EIF2S2: variants seen among roughly 807,000 people sequenced by gnomAD.
EIF2S2 encodes the protein eukaryotic translation initiation factor 2 subunit 2.
EIF2S2 carries 4 observed loss-of-function variants against 44.0 expected under a neutral mutation model. That is an observed-to-expected ratio of 0.09 (90% CI 0.04 to 0.21). The LOEUF (loss-of-function observed/expected upper bound fraction) is 0.21. EIF2S2 is among the 10% of genes least tolerant of loss of function. The pLI is 1.00. For missense variants in EIF2S2, 154 were observed against 392.0 expected (o/e 0.39, Z 5.13); for synonymous variants, 108 against 128.3 (o/e 0.84, Z 1.07).
intron 2 of EIF2S2, among the ~76,000 whole-genome samples, chr20:34,103,828 T>A (rs1244370437): frequency 6.6e-6 from 1 of 152,008 alleles, no homozygotes; most frequent in Non-Finnish European, 1.5e-5. Context: ...TGCCTCAGCC[T>A]CCTGAGTAGC....
In EIF2S2 at chr20:34,112,079, CG is replaced by C; in HGVS notation, c.15+16del. On this transcript the variant is annotated intron_variant, in intron 1 of 8. Transcript: ENST00000374980. ...TCGCCTCAATCCTTAGCCCTTACGC[CG>C]GGCTCAGATCCTCACCTCGTCCCCA... 1 of 1,549,290 alleles carries C rather than the reference CG, an allele frequency of 6.5e-7. No individual in the cohort carries two copies. Among genetic ancestry groups the C allele is most frequent in the Non-Finnish European group, 8.7e-7 (1 of 1,143,704 alleles).
chr20:34,101,219 C>T (rs960032746), intron 3 of EIF2S2, among the ~76,000 whole-genome samples: 5 of 152,136 alleles, frequency 3.3e-5, no homozygotes, highest in Non-Finnish European at 5.9e-5. Context: ...CCAAGGCAGG[C>T]GGATCACCTA....
In EIF2S2 at chr20:34,103,564, A is replaced by G. The variant is rs757574124; in HGVS notation, c.195T>C (p.Asp65=). 1.3e-6 allele frequency: 2 copies of G among 1,560,400 alleles called. No homozygotes were observed. Among genetic ancestry groups the G allele is most frequent in the East Asian group, 4.6e-5 (2 of 43,798 alleles). ...TCAAGTCATCTAGATCATCAGAAGC[A>G]TCTAAAAAGACCAAGGCATAATTAT... ...EADEEDTRKK[D]ASDDLDDLNF... is the part of the protein sequence containing the mutation. Residue 65 remains aspartate, a splice_region_variant and synonymous_variant, in exon 3 of 9, where the codon GAT becomes GAC. Coordinates refer to ENST00000374980, the MANE Select transcript of EIF2S2 (RefSeq NM_003908.5).
chr20:34,090,838 T>C (rs1212449530), intron 7 of EIF2S2, among the ~76,000 whole-genome samples: 1 of 151,934 alleles, frequency 6.6e-6, no homozygotes. Flanking sequence ...ACCTTCAATC[T>C]CCCAGGCTCA....
intron 1 of EIF2S2, 58 bp from the exon 2 acceptor site, chr20:34,105,603 A>G (rs2034340664): frequency 7.0e-7 from 1 of 1,426,684 alleles, no homozygotes; most frequent in Non-Finnish European, 9.3e-7. Flanking sequence ...TGATGCTCAC[A>G]TTCCAAATAT....
intron 1 of EIF2S2, among the ~76,000 whole-genome samples, chr20:34,111,316 G>A (rs1475001313): frequency 6.6e-6 from 1 of 152,102 alleles, no homozygotes; most frequent in Admixed American, 6.5e-5. Flanking sequence ...ATACCTACTG[G>A]GAGTACTTAA....
intron 3 of EIF2S2, among the ~76,000 whole-genome samples, chr20:34,103,230 A>C (rs1334170378): frequency 6.6e-6 from 1 of 152,246 alleles, no homozygotes; most frequent in Non-Finnish European, 1.5e-5. Context: ...ATTTGTGATC[A>C]TCTTAATGGC....
intron 1 of EIF2S2, among the ~76,000 whole-genome samples, chr20:34,107,194 G>C (rs958537583): frequency 6.6e-6 from 1 of 151,822 alleles, no homozygotes; most frequent in Non-Finnish European, 1.5e-5. Flanking sequence ...AAAAAAGAAA[G>C]TGCAGGGTCT....
rs1403393933 is a variant in EIF2S2 at position 34,105,363 on chromosome 20, C to T, written c.193+5G>A. ...AACAGTAACTCTCTCACATCAACCA[C>T]GCACCTTTTTTCCTAGTGTCCTCTT... On this transcript the variant is annotated splice_donor_5th_base_variant and intron_variant, in intron 2 of 8. Transcript: ENST00000374980. The T allele has an allele frequency of 8.7e-6, 14 of 1,610,540 alleles. No individual in the cohort carries two copies. The highest frequency in any genetic ancestry group is 6.7e-5 in the East Asian group (3 of 44,886).
intron 4 of EIF2S2, among the ~76,000 whole-genome samples, chr20:34,098,269 T>C (rs2034255009): frequency 6.6e-6 from 1 of 151,568 alleles, no homozygotes; most frequent in South Asian, 2.1e-4. Flanking sequence ...AAAATCCGGT[T>C]ATAGTAATTT....
chr20:34,106,387 TACA>T (rs1568719099), intron 1 of EIF2S2, among the ~76,000 whole-genome samples: 1 of 151,924 alleles, frequency 6.6e-6, no homozygotes, highest in East Asian at 1.9e-4. Context: ...GAAACCTCTA[TACA>T]ACATTTCACT....
At chr20:34,090,752 T>A (rs553342376) in intron 7 of EIF2S2, 150 bp from the exon 8 acceptor site, 1 of 461,350 alleles carries the variant, frequency 2.2e-6, no homozygotes. Context: ...TTTCCCAAAA[T>A]TTATTTATTT....
rs2034316097 is a variant in EIF2S2, at chr20:34,103,505, GT to G, written c.253del (p.Thr85LeufsTer14). ...FFNQKKKKKK[T>X]KKIFDIDEAE... is the part of the protein sequence containing the mutation. ...TTCATCAATATCAAATATCTTTTTA[GT>G]TTTTTTCTTCTTTTTCTTTTGATTA... On this transcript the variant is annotated frameshift_variant, in exon 3 of 9. Transcript: ENST00000374980. LOFTEE classifies it high-confidence loss of function. 6.4e-7 allele frequency: 1 copy of G among 1,568,278 alleles called. No homozygotes were observed. The highest frequency in any genetic ancestry group is 1.2e-5 in the South Asian group (1 of 85,994).
chr20:34,100,666 ACAGT>A (rs1322370232), intron 3 of EIF2S2, among the ~76,000 whole-genome samples: 6 of 152,178 alleles, frequency 3.9e-5, no homozygotes, highest in African/African-American at 1.2e-4. Flanking sequence ...TTATTATATG[ACAGT>A]CAGCCTGGCA....
chr20:34,095,882 A>G (rs1384644533), intron 6 of EIF2S2, among the ~76,000 whole-genome samples: 1 of 152,230 alleles, frequency 6.6e-6, no homozygotes, highest in African/African-American at 2.4e-5. Flanking sequence ...GGATAAACTC[A>G]GTGGTCCTAA....
chr20:34,096,845 C>G, intron 5 of EIF2S2, 40 bp from the exon 6 acceptor site: 1 of 1,577,436 alleles, frequency 6.3e-7, no homozygotes, highest in Non-Finnish European at 8.6e-7. Context: ...CGCTTAGTAA[C>G]TGCAGGGGTA....
intron 4 of EIF2S2, among the ~76,000 whole-genome samples, chr20:34,097,841 TAAGA>T (rs1261837580): frequency 6.6e-6 from 1 of 152,322 alleles, no homozygotes; most frequent in African/African-American, 2.4e-5. Flanking sequence ...TTTGAGCACT[TAAGA>T]AACATCAACA....
At chr20:34,097,972 G>A (rs1017251697) in intron 4 of EIF2S2, among the ~76,000 whole-genome samples, 2 of 152,080 alleles carry the variant, frequency 1.3e-5, no homozygotes, top group African/African-American at 4.8e-5. Context: ...GGGGCCGGGC[G>A]CTGTGGCTCA....
chr20:34,107,206 T>G (rs1736385019), intron 1 of EIF2S2, among the ~76,000 whole-genome samples: 1 of 152,180 alleles, frequency 6.6e-6, no homozygotes, highest in African/African-American at 2.4e-5. Context: ...GCAGGGTCTT[T>G]GAAGTCAAAT....
Sources: allele counts gnomAD v4.1 joint callset (sites outside exome capture counted in the v4.1 genomes callset), GRCh38; gene constraint gnomAD v4.1.1; transcripts MANE v1.5; gene names NCBI Gene and HGNC (gene_info 2026-07-23, HGNC 2026-07-21).